Variants in TTLL1 observed in about 807,000 individuals in gnomAD.
TTLL1 encodes the protein polyglutamylase complex subunit TTLL1.
Under a neutral mutation model 47.8 loss-of-function variants are expected in TTLL1, and 33 were observed. The ratio of observed to expected loss-of-function variants is 0.69; its 90% CI spans 0.52 to 0.92. The LOEUF (loss-of-function observed/expected upper bound fraction) is 0.92. TTLL1 is among the 40% of genes least tolerant of loss of function. The pLI is 0.00. For synonymous variants in TTLL1, 225 were observed against 214.1 expected (o/e 1.05, Z -0.45); for missense variants, 488 against 547.5 (o/e 0.89, Z 1.08).
In TTLL1 at chr22:43,059,260, C is replaced by A. The variant is rs554030793; in HGVS notation, c.891+124G>T. 31 of 1,385,094 alleles carry A rather than the reference C, an allele frequency of 2.2e-5. No homozygotes were observed. The South Asian group carries it at 4.4e-4, about 20-fold the overall frequency. 85.8% of individuals were successfully genotyped at this position (1,385,094 alleles called of 1,614,324 possible). A position where few individuals can be genotyped will look rare whatever the true frequency, so the allele number is the denominator to read the frequency against. ...CCGCCCGCCTCGGCCTCCCAGCTTG[C>A]TGGGATTACAGGCGTGAGCCGCCGC... On this transcript the variant is annotated intron_variant, in intron 8 of 10. Coordinates refer to ENST00000266254, the MANE Select transcript of TTLL1 (RefSeq NM_012263.5).
chr22:43,059,007 T>C (rs1436384286), intron 8 of TTLL1, among the ~76,000 whole-genome samples: 1 of 148,656 alleles, frequency 6.7e-6, no homozygotes, highest in East Asian at 2.0e-4. Context: ...TTTTGTTTTT[T>C]GAGACAGAGT....
chr22:43,085,422 T>A (rs886520393), intron 1 of TTLL1, among the ~76,000 whole-genome samples: 2 of 152,200 alleles, frequency 1.3e-5, no homozygotes, highest in African/African-American at 4.8e-5. Flanking sequence ...CAACTTGACT[T>A]GTAATAATCC....
rs1929345754 is a variant in TTLL1 at position 43,087,990 on chromosome 22, T to C, written c.-90+1287A>G. On this transcript the variant is annotated intron_variant, in intron 1 of 10. Coordinates refer to ENST00000266254, the MANE Select transcript of TTLL1 (RefSeq NM_012263.5). ...TGGCGAAACCCCATCTCTACTAAAA[T>C]TTAAAAAATTAGCGGGGCATGGTGG... 2.7e-5 allele frequency among the ~76,000 whole-genome samples: 4 copies of C among 149,746 alleles called. 2 individuals carry two copies. The South Asian group carries it at 8.4e-4, about 32-fold the overall frequency.
intron 10 of TTLL1, among the ~76,000 whole-genome samples, chr22:43,044,572 A>G (rs902689743): frequency 2.6e-4 from 40 of 152,198 alleles, no homozygotes; most frequent in African/African-American, 9.7e-4. Context: ...TTGCTGTGAC[A>G]GAAGCATGTA....
chr22:43,087,384 C>T (rs1929291002), intron 1 of TTLL1, among the ~76,000 whole-genome samples: 3 of 151,058 alleles, frequency 2.0e-5, no homozygotes, highest in South Asian at 2.1e-4. Flanking sequence ...ATTAGCTGCG[C>T]GTGGTGGTGC....
chr22:43,068,231 C>T (rs1421725588), intron 5 of TTLL1, among the ~76,000 whole-genome samples, 179 bp downstream of exon 5: 1 of 151,602 alleles, frequency 6.6e-6, no homozygotes, highest in Non-Finnish European at 1.5e-5. Flanking sequence ...GCAGGAGAAT[C>T]GCTTGAACCC....
intron 5 of TTLL1, among the ~76,000 whole-genome samples, chr22:43,066,030 G>A (rs560759509): frequency 2.6e-5 from 4 of 151,894 alleles, no homozygotes; most frequent in African/African-American, 9.7e-5. Flanking sequence ...GTGGTGGCGG[G>A]TGCCTGTAGT....
chr22:43,062,845 C>T (rs552869957), intron 7 of TTLL1, among the ~76,000 whole-genome samples: 3 of 152,012 alleles, frequency 2.0e-5, no homozygotes, highest in African/African-American at 4.8e-5. Flanking sequence ...AAAAAAAGTG[C>T]GTTTTCTATA....
At chr22:43,052,633 C>T (rs971273971) in intron 8 of TTLL1, among the ~76,000 whole-genome samples, 3 of 151,952 alleles carry the variant, frequency 2.0e-5, no homozygotes, top group Non-Finnish European at 2.9e-5. Flanking sequence ...CCCAGCTACT[C>T]GGGACAGCTG....
rs1340626398 is a variant in TTLL1 at position 43,064,283 on chromosome 22, A to T, written c.545T>A (p.Leu182His). The change falls in exon 6 of 11, where the codon CTC becomes CAC. Residue 182 changes from leucine (L) to histidine (H), a missense_variant. Leu to His is a moderately conservative substitution (Grantham distance 99, BLOSUM62 -3). Transcript: ENST00000266254. ...QSNKEAYVIS[L>H]YINNPLLIGG... ...AATTAGTAACGGGTTGTTAATATAG[A>T]GAGAGATCACGTAGGCTTCCTTATT... 1 of 1,613,998 alleles carries T rather than the reference A, an allele frequency of 6.2e-7. No individual in the cohort carries two copies. The highest frequency in any genetic ancestry group is 8.5e-7 in the Non-Finnish European group (1 of 1,180,028).
intron 2 of TTLL1, among the ~76,000 whole-genome samples, chr22:43,076,454 G>A (rs115334504): frequency 0.022 from 3,282 of 146,816 alleles, 135 homozygotes; most frequent in African/African-American, 0.078. Flanking sequence ...AGACTCCATC[G>A]CAAAAAATAA....
intron 7 of TTLL1, among the ~76,000 whole-genome samples, chr22:43,060,622 C>A (rs1449577933): frequency 6.6e-6 from 1 of 152,192 alleles, no homozygotes. Flanking sequence ...CTTGGCCAAG[C>A]TTTCCTCCTG....
intron 1 of TTLL1, among the ~76,000 whole-genome samples, chr22:43,088,046 G>A (rs1191418566): frequency 2.0e-5 from 3 of 151,604 alleles, no homozygotes. Flanking sequence ...TACATGGGAG[G>A]CTGAGGCAGG....
intron 8 of TTLL1, among the ~76,000 whole-genome samples, chr22:43,053,876 GCTAA>G (rs1404714992): frequency 1.3e-5 from 2 of 152,164 alleles, no homozygotes; most frequent in African/African-American, 4.8e-5. Flanking sequence ...TGATTAAACA[GCTAA>G]CTTTTTCTCA....
chr22:43,065,640 T>C (rs1569432371), intron 5 of TTLL1, among the ~76,000 whole-genome samples: 1 of 151,902 alleles, frequency 6.6e-6, no homozygotes. Context: ...TGGAGTGCAG[T>C]GGTGCGATCA....
intron 10 of TTLL1, among the ~76,000 whole-genome samples, chr22:43,043,943 G>A (rs1305497334): frequency 6.6e-6 from 1 of 151,922 alleles, no homozygotes; most frequent in Non-Finnish European, 1.5e-5. Flanking sequence ...GACCTCTGGT[G>A]ACCCTGTCCT....
At position 43,063,845 on chromosome 22, in the gene TTLL1, G is replaced by A. The variant is rs1232393064; in HGVS notation, c.715C>T (p.His239Tyr). 6.2e-7 allele frequency: 1 copy of A among 1,614,064 alleles called. No individual in the cohort carries two copies. The highest frequency in any genetic ancestry group is 8.5e-7 in the Non-Finnish European group (1 of 1,179,960). ...STSELDNMFVHLTNVAIQKHG... is the reference protein window; with the variant it reads ...STSELDNMFVYLTNVAIQKHG... ...TTCTGGATGGCGACGTTGGTGAGAT[G>A]AACGAACATGTTGTCCAGCTCACTG... The change falls in exon 7 of 11, where the codon CAT (histidine) becomes TAT (tyrosine). Residue 239 changes from histidine to tyrosine, a missense_variant. Transcript: ENST00000266254.
At chr22:43,048,410 G>T (rs549002357) in intron 9 of TTLL1, among the ~76,000 whole-genome samples, 2 of 151,684 alleles carry the variant, frequency 1.3e-5, no homozygotes, top group African/African-American at 4.8e-5. Context: ...CGAGGTGGAG[G>T]GATCGCTTGA....
intron 10 of TTLL1, among the ~76,000 whole-genome samples, chr22:43,042,110 T>A: frequency 6.6e-6 from 1 of 152,138 alleles, no homozygotes; most frequent in East Asian, 1.9e-4. Flanking sequence ...ACTGCCCCCG[T>A]GTTTGCTTCC....
Sources: allele counts gnomAD v4.1 joint callset (sites outside exome capture counted in the v4.1 genomes callset), GRCh38; gene constraint gnomAD v4.1.1; transcripts MANE v1.5; gene names NCBI Gene and HGNC (gene_info 2026-07-23, HGNC 2026-07-21).